MGRN1: variants seen among roughly 807,000 people sequenced by gnomAD.
The protein encoded by MGRN1 is mahogunin ring finger 1.
Under a neutral mutation model 69.2 loss-of-function variants are expected in MGRN1, and 29 were observed. That is an observed-to-expected ratio of 0.42 (90% CI 0.31 to 0.57). The LOEUF (loss-of-function observed/expected upper bound fraction) is 0.57. Among genes scored for constraint, MGRN1 ranks in the 20% least tolerant of loss-of-function variants. The probability of loss-of-function intolerance (pLI) is 0.15; values close to 1 mark genes in which losing one functional copy is unlikely to be tolerated. For synonymous variants in MGRN1, 470 were observed against 344.2 expected (o/e 1.37, Z -4.04); for missense variants, 998 against 796.2 (o/e 1.25, Z -3.05).
rs202163970 is a variant in MGRN1 at position 4,651,987 on chromosome 16, C to G, written c.232C>G (p.His78Asp). The G allele has an allele frequency of 2.5e-6, 4 of 1,614,024 alleles. No homozygotes were observed. The highest frequency in any genetic ancestry group is 1.7e-5 in the Admixed American group (1 of 59,992). Residue 78 changes from histidine (H) to aspartate (D), a missense_variant, in exon 3 of 17, where the codon CAC becomes GAC. His to Asp is a moderately conservative substitution (Grantham distance 81). Coordinates refer to ENST00000262370, the MANE Select transcript of MGRN1 (RefSeq NM_015246.4). ...VQFPYVTPAP[H>D]EPVKTLRSLV... The stretch of plus-strand genomic sequence containing the variant: ...GTTTCCCTACGTCACTCCTGCCCCC[C>G]ACGAGCCCGTGAAGACGCTGCGGAG...
intron 11 of MGRN1, 97 bp from the exon 12 acceptor site, chr16:4,679,935 A>G (rs2079140894): frequency 8.6e-7 from 1 of 1,165,098 alleles, no homozygotes; most frequent in Non-Finnish European, 1.2e-6. Context: ...GTTCTGCGCC[A>G]CGGTGTGGCA....
intron 5 of MGRN1, 142 bp from the exon 6 acceptor site, chr16:4,664,567 C>T (rs2078755336): frequency 1.3e-6 from 1 of 785,264 alleles, no homozygotes; most frequent in South Asian, 1.6e-5. Flanking sequence ...ATCCGCCTTC[C>T]CTGCCATCTC....
chr16:4,653,827 A>C (rs1282612786), intron 4 of MGRN1, among the ~76,000 whole-genome samples: 1 of 151,684 alleles, frequency 6.6e-6, no homozygotes, highest in African/African-American at 2.4e-5. Context: ...ATCTTGGCTC[A>C]CTGCAACCTC....
chr16:4,661,863 T>G (rs572487602), intron 5 of MGRN1, among the ~76,000 whole-genome samples: 5 of 152,310 alleles, frequency 3.3e-5, no homozygotes, highest in South Asian at 2.1e-4. Flanking sequence ...GCCCAGGGCT[T>G]CTTGTGTGGA....
chr16:4,654,478 A>G (rs2078485357), intron 4 of MGRN1, among the ~76,000 whole-genome samples: 1 of 152,260 alleles, frequency 6.6e-6, no homozygotes, highest in Non-Finnish European at 1.5e-5. Flanking sequence ...CCTCCAGGCT[A>G]CAAGGGCACA....
In MGRN1 at chr16:4,683,281, C is replaced by T. The variant is rs78699679; in HGVS notation, c.1528+12C>T. 0.021 allele frequency: 34,447 copies of T among 1,613,512 alleles called. 465 individuals carry two copies. The highest frequency in any genetic ancestry group is 0.025 in the Non-Finnish European group (29,642 of 1,179,840). On this transcript the variant is annotated intron_variant, in intron 15 of 16. Coordinates refer to ENST00000262370, the MANE Select transcript of MGRN1 (RefSeq NM_015246.4). ...GTCACCACAGCAAGGTGAGCGCCTC[C>T]TTCCATGGGCACAAACCGCATGCAG... is the stretch of plus-strand genomic sequence containing the variant.
intron 10 of MGRN1, 118 bp from the exon 11 acceptor site, chr16:4,677,345 G>T: frequency 1.8e-6 from 1 of 560,210 alleles, no homozygotes; most frequent in South Asian, 3.7e-5. Flanking sequence ...TGATCTGGAA[G>T]CGGGGTCACC....
At chr16:4,629,691 A>G (rs1897895613) in intron 1 of MGRN1, among the ~76,000 whole-genome samples, 1 of 149,956 alleles carries the variant, frequency 6.7e-6, no homozygotes, top group African/African-American at 2.5e-5. Flanking sequence ...GTGAGCCTAG[A>G]TCGCGCCACT....
intron 1 of MGRN1, among the ~76,000 whole-genome samples, chr16:4,643,802 A>C (rs59419814): frequency 6.6e-6 from 1 of 152,156 alleles, no homozygotes; most frequent in Non-Finnish European, 1.5e-5. Context: ...CTAATACCCA[A>C]TTGATCAAAC....
At chr16:4,652,145 G>T in intron 3 of MGRN1, 94 bp downstream of exon 3, 1 of 1,285,036 alleles carries the variant, frequency 7.8e-7, no homozygotes. Context: ...AGGGCAGGCG[G>T]GAGGGGCCCC....
intron 8 of MGRN1, among the ~76,000 whole-genome samples, chr16:4,670,795 C>T (rs74924515): frequency 0.011 from 1,707 of 152,328 alleles, 16 homozygotes; most frequent in Middle Eastern, 0.02. Flanking sequence ...TGGTCAGGGC[C>T]TTGTGTTGAG....
At chr16:4,660,078 C>T (rs1329842595) in intron 5 of MGRN1, among the ~76,000 whole-genome samples, 1 of 152,236 alleles carries the variant, frequency 6.6e-6, no homozygotes, top group East Asian at 1.9e-4. Context: ...CTGGGCCAGG[C>T]ATGGCTTAGC....
chr16:4,657,204 C>A (rs752570778), intron 4 of MGRN1, 42 bp from the exon 5 acceptor site: 6 of 1,586,420 alleles, frequency 3.8e-6, no homozygotes, highest in South Asian at 1.1e-5. Context: ...GGAGGGCCCT[C>A]TTCCTGCCGC....
intron 12 of MGRN1, chr16:4,681,247 C>T: frequency 2.4e-6 from 1 of 422,692 alleles, no homozygotes. Flanking sequence ...CCACCTGGGG[C>T]CAGGCGGGAC....
At chr16:4,684,011 G>C (rs764437145) in intron 16 of MGRN1, 79 bp downstream of exon 16, 10 of 1,246,688 alleles carry the variant, frequency 8.0e-6, no homozygotes, top group African/African-American at 7.5e-5. Context: ...TCTGATGGTC[G>C]GTGCATAGCA....
At chr16:4,641,109 C>T (rs2078146553) in intron 1 of MGRN1, among the ~76,000 whole-genome samples, 1 of 152,214 alleles carries the variant, frequency 6.6e-6, no homozygotes, top group South Asian at 2.1e-4. Context: ...TTTCCTCCAC[C>T]CCCTTGGCAG....
At chr16:4,664,844 G>A (rs1185023386) in intron 6 of MGRN1, 69 bp downstream of exon 6, 1 of 1,575,434 alleles carries the variant, frequency 6.3e-7, no homozygotes, top group Non-Finnish European at 8.7e-7. Context: ...CTTGAGGGAG[G>A]AGTGCTTGCA....
At chr16:4,625,384 G>A (rs1449152873) in intron 1 of MGRN1, among the ~76,000 whole-genome samples, 34 of 152,232 alleles carry the variant, frequency 2.2e-4, no homozygotes, top group Admixed American at 2.2e-3. Context: ...CGCGGGTCCC[G>A]GCGCATCGCT....
chr16:4,660,911 C>T (rs757997460), intron 5 of MGRN1, among the ~76,000 whole-genome samples: 36 of 152,204 alleles, frequency 2.4e-4, no homozygotes, highest in Non-Finnish European at 3.8e-4. Flanking sequence ...ATCCCTCAGA[C>T]GGCTGGGAGC....
Sources: gnomAD v4.1 joint callset for allele counts (sites outside exome capture counted in the v4.1 genomes callset) on GRCh38, gnomAD v4.1.1 for gene constraint, MANE v1.5 for transcripts, NCBI Gene and HGNC (gene_info 2026-07-23, HGNC 2026-07-21) for gene names.